Variants in CALN1 observed in about 807,000 individuals in gnomAD.
CALN1 encodes the protein calneuron 1.
CALN1 carries 17 observed loss-of-function variants against 30.6 expected under a neutral mutation model. The observed-to-expected ratio is 0.56, with a 90% CI of 0.38 to 0.83. The LOEUF (loss-of-function observed/expected upper bound fraction) is 0.83, where lower values mean the gene tolerates loss of function less well. Ranked by LOEUF, CALN1 falls within the 40% of genes least tolerant of loss-of-function variation. The pLI, the probability that CALN1 is intolerant of heterozygous loss-of-function variation, is 0.00. For missense variants in CALN1, 291 were observed against 354.9 expected, an observed-to-expected ratio of 0.82 and a Z score of 1.45; for synonymous variants, 156 against 131.4, an observed-to-expected ratio of 1.19 and a Z score of -1.28.
chr7:71,804,963 TATAA>T (rs764744954), intron 6 of CALN1, among the ~76,000 whole-genome samples: 22 of 151,942 alleles, frequency 1.4e-4, no homozygotes, highest in Non-Finnish European at 3.2e-4. Context: ...ATAAAAAAAA[TATAA>T]ATAAAATAAA....
At chr7:72,379,300 A>G (rs759947086) in intron 2 of CALN1, among the ~76,000 whole-genome samples, 9 of 152,162 alleles carry the variant, frequency 5.9e-5, no homozygotes, top group Non-Finnish European at 1.2e-4. Flanking sequence ...CGGCCAATTT[A>G]TTCTCATTTT....
chr7:72,400,083 CT>C (rs905112848), intron 2 of CALN1, among the ~76,000 whole-genome samples: 11 of 152,062 alleles, frequency 7.2e-5, no homozygotes, highest in South Asian at 2.1e-4. Context: ...CCAAATAAAC[CT>C]TTTTTTTAAT....
At chr7:72,192,047 T>C (rs559381475) in intron 3 of CALN1, among the ~76,000 whole-genome samples, 1 of 152,324 alleles carries the variant, frequency 6.6e-6, no homozygotes, top group East Asian at 1.9e-4. Flanking sequence ...CCTGAATTTC[T>C]TGGCGTACGG....
At chr7:72,208,541 T>C (rs894999636) in intron 3 of CALN1, among the ~76,000 whole-genome samples, 1 of 152,214 alleles carries the variant, frequency 6.6e-6, no homozygotes, top group East Asian at 1.9e-4. Flanking sequence ...TAACACTTCA[T>C]AGGCAGAGAA....
intron 5 of CALN1, among the ~76,000 whole-genome samples, chr7:71,965,359 G>C (rs1028207226): frequency 1.1e-4 from 17 of 152,050 alleles, no homozygotes. Context: ...CCCTTTAATT[G>C]TTTAGATACT....
chr7:71,833,465 C>T (rs888424959), intron 5 of CALN1, among the ~76,000 whole-genome samples: 1 of 147,692 alleles, frequency 6.8e-6, no homozygotes, highest in Middle Eastern at 3.5e-3. Flanking sequence ...AGACGTTCAA[C>T]AAAATAAGCC....
the CALN1 span, among the ~76,000 whole-genome samples, chr7:72,478,620 C>T: frequency 6.6e-6 from 1 of 151,794 alleles, no homozygotes; most frequent in South Asian, 2.1e-4. Flanking sequence ...GAGAAGGCCC[C>T]TGAGATCTCA....
chr7:72,177,772 G>C (rs1452583764), intron 3 of CALN1, among the ~76,000 whole-genome samples: 1 of 148,184 alleles, frequency 6.7e-6, no homozygotes, highest in African/African-American at 2.5e-5. Context: ...AAAAAAAAAG[G>C]ACATTTGGTG....
chr7:71,915,863 C>A (rs1386266453), intron 5 of CALN1, among the ~76,000 whole-genome samples: 2 of 152,190 alleles, frequency 1.3e-5, no homozygotes, highest in African/African-American at 4.8e-5. Flanking sequence ...ATCCCTCCAA[C>A]CCATCCTCCC....
intron 5 of CALN1, among the ~76,000 whole-genome samples, chr7:71,877,042 A>G (rs1310860129): frequency 6.6e-6 from 1 of 152,116 alleles, no homozygotes; most frequent in Non-Finnish European, 1.5e-5. Context: ...AACTGATGAA[A>G]CCAGAAATTG....
chr7:72,154,637 C>A (rs114533058), intron 3 of CALN1, among the ~76,000 whole-genome samples: 2 of 152,092 alleles, frequency 1.3e-5, no homozygotes, highest in Non-Finnish European at 2.9e-5. Flanking sequence ...TCTCCCTCTA[C>A]TAAAACTCAG....
At chr7:72,313,872 G>T (rs929960675) in intron 2 of CALN1, among the ~76,000 whole-genome samples, 2 of 152,138 alleles carry the variant, frequency 1.3e-5, no homozygotes, top group Non-Finnish European at 2.9e-5. Flanking sequence ...GGAAGGGAGA[G>T]ATTTCAAAGG....
At chr7:72,181,091 G>C in intron 3 of CALN1, among the ~76,000 whole-genome samples, 1 of 72,414 alleles carries the variant, frequency 1.4e-5, no homozygotes, top group South Asian at 9.3e-4. Context: ...GAGCGAAACT[G>C]CATAACCCCC....
intron 2 of CALN1, among the ~76,000 whole-genome samples, chr7:72,372,097 G>C (rs1163561582): frequency 2.0e-5 from 3 of 152,158 alleles, no homozygotes; most frequent in Non-Finnish European, 4.4e-5. Context: ...CTCTCATTCT[G>C]GCTTGATGAA....
the CALN1 span, among the ~76,000 whole-genome samples, chr7:72,461,581 C>A: frequency 6.6e-6 from 1 of 152,198 alleles, no homozygotes; most frequent in Non-Finnish European, 1.5e-5. Flanking sequence ...AGCATGTTCT[C>A]ACTTATAAGT....
At chr7:72,243,478 C>T (rs568512418) in intron 3 of CALN1, among the ~76,000 whole-genome samples, 31 of 152,276 alleles carry the variant, frequency 2.0e-4, no homozygotes, top group Middle Eastern at 6.8e-3. Context: ...GAGCTTCTTT[C>T]GGTGCTAAGT....
At chr7:72,329,529 T>C (rs1052666158) in intron 2 of CALN1, among the ~76,000 whole-genome samples, 1 of 152,236 alleles carries the variant, frequency 6.6e-6, no homozygotes, top group Admixed American at 6.5e-5. Flanking sequence ...TCTCCTCTAA[T>C]GAACCCAGTT....
chr7:72,487,880 GAAAGA>G, the CALN1 span, among the ~76,000 whole-genome samples: 8 of 58,576 alleles, frequency 1.4e-4, no homozygotes, highest in East Asian at 7.2e-4. Flanking sequence ...AAGAAAGAAA[GAAAGA>G]AAAGAAAAGA....
At chr7:72,387,893 G>C (rs118045841) in intron 2 of CALN1, among the ~76,000 whole-genome samples, 1 of 152,132 alleles carries the variant, frequency 6.6e-6, no homozygotes, top group Non-Finnish European at 1.5e-5. Flanking sequence ...GAGAATTGGG[G>C]GATAGGGGTA....
Sources: allele counts gnomAD v4.1 joint callset (sites outside exome capture counted in the v4.1 genomes callset), GRCh38; gene constraint gnomAD v4.1.1; transcripts MANE v1.5; gene names NCBI Gene and HGNC (gene_info 2026-07-23, HGNC 2026-07-21).